MALRD1: variants seen among roughly 807,000 people sequenced by gnomAD.
MALRD1 encodes MAM and LDL-receptor class A domain-containing protein 1.
Under a neutral mutation model 242.1 loss-of-function variants are expected in MALRD1, and 247 were observed. The ratio of observed to expected loss-of-function variants is 1.02; its 90% CI spans 0.92 to 1.13. The LOEUF is 1.13. Ranked by LOEUF, MALRD1 falls within the 50% of genes most tolerant of loss-of-function variation. The pLI is 0.00. For missense variants in MALRD1, 2,989 were observed against 2,533.1 expected (o/e 1.18, Z -3.86); for synonymous variants, 995 against 866.6 (o/e 1.15, Z -2.60).
chr10:19,263,412 A>G (rs1196865283), intron 19 of MALRD1, among the ~76,000 whole-genome samples: 2 of 152,014 alleles, frequency 1.3e-5, no homozygotes, highest in Non-Finnish European at 2.9e-5. Flanking sequence ...GTGCCTTTTC[A>G]TATACCTGTT....
At chr10:19,638,338 AAGT>A (rs1286557191) in intron 36 of MALRD1, among the ~76,000 whole-genome samples, 1 of 152,080 alleles carries the variant, frequency 6.6e-6, no homozygotes. Flanking sequence ...GTGGGGATGA[AAGT>A]AGAGAGATTG....
intron 36 of MALRD1, among the ~76,000 whole-genome samples, chr10:19,641,903 T>G (rs190233331): frequency 6.6e-6 from 1 of 152,136 alleles, no homozygotes; most frequent in East Asian, 1.9e-4. Flanking sequence ...AGATCTAAAC[T>G]CTGTCCTTTT....
intron 18 of MALRD1, among the ~76,000 whole-genome samples, chr10:19,210,924 G>C (rs1233372496): frequency 6.6e-6 from 1 of 152,164 alleles, no homozygotes; most frequent in Non-Finnish European, 1.5e-5. Flanking sequence ...GTGTAAGCGT[G>C]AGAATGAATC....
At chr10:19,113,436 T>C (rs1365775031) in intron 5 of MALRD1, among the ~76,000 whole-genome samples, 1 of 150,882 alleles carries the variant, frequency 6.6e-6, no homozygotes, top group East Asian at 1.9e-4. Context: ...CCATGACTTT[T>C]CTTTTTCTTC....
chr10:19,094,169 T>A (rs1835927954), intron 4 of MALRD1, among the ~76,000 whole-genome samples: 1 of 107,562 alleles, frequency 9.3e-6, no homozygotes, highest in Non-Finnish European at 1.9e-5. Flanking sequence ...GCCTGGGCAA[T>A]GGCGGGCGCC....
intron 4 of MALRD1, among the ~76,000 whole-genome samples, chr10:19,089,302 C>A (rs1183184982): frequency 1.0e-4 from 5 of 47,926 alleles, no homozygotes; most frequent in African/African-American, 2.1e-4. Context: ...GATGGTATCT[C>A]ATTGTGGTTT....
At chr10:19,705,859 C>T (rs557652566) in intron 38 of MALRD1, among the ~76,000 whole-genome samples, 2 of 136,132 alleles carry the variant, frequency 1.5e-5, no homozygotes, top group South Asian at 2.4e-4. Context: ...GCATTTTTTT[C>T]AAGCCAGTCA....
At chr10:19,529,169 C>G (rs778607058) in intron 31 of MALRD1, among the ~76,000 whole-genome samples, 2 of 152,158 alleles carry the variant, frequency 1.3e-5, no homozygotes, top group African/African-American at 2.4e-5. Context: ...TGAAATATTC[C>G]TAGAGCATTC....
intron 28 of MALRD1, among the ~76,000 whole-genome samples, chr10:19,423,770 T>C (rs1031561799): frequency 6.6e-6 from 1 of 152,164 alleles, no homozygotes; most frequent in East Asian, 1.9e-4. Context: ...GGCAGATTCA[T>C]GTCACCCTGA....
chr10:19,119,316 C>T (rs1202366157), intron 5 of MALRD1, among the ~76,000 whole-genome samples: 2 of 152,156 alleles, frequency 1.3e-5, no homozygotes, highest in Non-Finnish European at 2.9e-5. Context: ...GCTGCCTGGG[C>T]AGAGCCAATT....
chr10:19,586,687 G>T (rs1017990012), intron 33 of MALRD1, among the ~76,000 whole-genome samples: 5 of 152,194 alleles, frequency 3.3e-5, no homozygotes, highest in African/African-American at 1.2e-4. Flanking sequence ...TTGTTTGTCT[G>T]TGCCCTGCCC....
intron 38 of MALRD1, among the ~76,000 whole-genome samples, chr10:19,711,595 G>C (rs1042040692): frequency 9.9e-5 from 15 of 152,166 alleles, no homozygotes; most frequent in South Asian, 2.1e-4. Context: ...CAGAGGTGCT[G>C]TATCACTCCA....
intron 36 of MALRD1, among the ~76,000 whole-genome samples, chr10:19,683,854 G>A (rs1220841121): frequency 6.6e-6 from 1 of 152,092 alleles, no homozygotes; most frequent in East Asian, 1.9e-4. Context: ...GTGGTTTGCT[G>A]CACATATCAA....
intron 32 of MALRD1, among the ~76,000 whole-genome samples, chr10:19,535,544 T>C (rs555208397): frequency 6.0e-4 from 90 of 150,016 alleles, no homozygotes; most frequent in African/African-American, 1.9e-3. Context: ...TACATATACA[T>C]ATATATACAC....
intron 18 of MALRD1, among the ~76,000 whole-genome samples, chr10:19,212,763 C>T (rs761202440): frequency 3.3e-5 from 5 of 152,132 alleles, no homozygotes; most frequent in Non-Finnish European, 2.9e-5. Context: ...TGGCTATTAT[C>T]AGTCACGCTA....
At chr10:19,687,488 T>C (rs1338087504) in intron 36 of MALRD1, among the ~76,000 whole-genome samples, 1 of 152,190 alleles carries the variant, frequency 6.6e-6, no homozygotes, top group Non-Finnish European at 1.5e-5. Context: ...GCACTGGTTT[T>C]CTCTGGTTGG....
chr10:19,085,237 C>T (rs1353129654), intron 2 of MALRD1, among the ~76,000 whole-genome samples: 3 of 151,888 alleles, frequency 2.0e-5, no homozygotes, highest in African/African-American at 7.2e-5. Flanking sequence ...CAAAGATTTG[C>T]CTTTTTCTCT....
chr10:19,650,066 C>A (rs1840800937), intron 36 of MALRD1, among the ~76,000 whole-genome samples: 1 of 151,924 alleles, frequency 6.6e-6, no homozygotes, highest in Non-Finnish European at 1.5e-5. Flanking sequence ...GATATGGAAT[C>A]TTAGCAGAGA....
At chr10:19,427,841 T>C (rs557040613) in intron 28 of MALRD1, among the ~76,000 whole-genome samples, 150 of 152,314 alleles carry the variant, frequency 9.8e-4, no homozygotes, top group Non-Finnish European at 1.5e-3. Context: ...GAGCATCTTC[T>C]GTGTAGGATG....
Sources: allele counts gnomAD v4.1 joint callset (sites outside exome capture counted in the v4.1 genomes callset), GRCh38; gene constraint gnomAD v4.1.1; transcripts MANE v1.5; gene names NCBI Gene and HGNC (gene_info 2026-07-23, HGNC 2026-07-21).